The following ANKHD1 variants were observed in gnomAD, a reference collection of about 807,000 sequenced individuals.
The protein encoded by ANKHD1 is ankyrin repeat and KH domain-containing protein 1.
In ANKHD1, 31 loss-of-function variants were observed where a neutral mutation model predicts 230.5. The ratio of observed to expected loss-of-function variants is 0.13; its 90% CI spans 0.10 to 0.18. The LOEUF is 0.18. Among genes scored for constraint, ANKHD1 ranks in the 10% least tolerant of loss-of-function variants. The probability of loss-of-function intolerance (pLI) is 1.00; values close to 1 mark genes in which losing one functional copy is unlikely to be tolerated. For synonymous variants in ANKHD1, 1,074 were observed against 1,117.6 expected (o/e 0.96, Z 0.78); for missense variants, 2,256 against 3,071.3 (o/e 0.73, Z 6.27).
At chr5:140,433,623 C>T (rs1336328728) in intron 1 of ANKHD1, among the ~76,000 whole-genome samples, 1 of 152,036 alleles carries the variant, frequency 6.6e-6, no homozygotes, top group African/African-American at 2.4e-5. Flanking sequence ...CTTATTTCTT[C>T]TACCACATTT....
chr5:140,485,339 T>C lies in ANKHD1; in HGVS notation c.1998+91T>C. The C allele has an allele frequency of 1.4e-6, 2 of 1,475,792 alleles. No homozygotes were observed. The highest frequency in any genetic ancestry group is 1.8e-6 in the Non-Finnish European group (2 of 1,111,596). 91.4% of individuals were successfully genotyped at this position (1,475,792 alleles called of 1,614,324 possible). On this transcript the variant is annotated intron_variant, in intron 12 of 33. Transcript: ENST00000360839. The surrounding 1 kb of genome is among the most constrained non-coding windows in gnomAD (Gnocchi z 4.8). ...TAGAAAGCTGAGGCGGGTGGATCAC[T>C]TGAGCCCAGGAGTTTGAGACTAGTC... is the stretch of plus-strand genomic sequence containing the variant.
At chr5:140,504,343 C>T (rs962276915) in intron 15 of ANKHD1, among the ~76,000 whole-genome samples, 11 of 152,346 alleles carry the variant, frequency 7.2e-5, no homozygotes, top group Admixed American at 5.2e-4. Flanking sequence ...TGGGCCACTG[C>T]GCCCAGCCCC....
chr5:140,478,510 A>C (rs1751090078), intron 10 of ANKHD1, among the ~76,000 whole-genome samples: 1 of 152,156 alleles, frequency 6.6e-6, no homozygotes, highest in Admixed American at 6.5e-5. Context: ...AGAAATATAT[A>C]AATTATCAAA....
At chr5:140,420,048 T>A (rs1771847904) in intron 1 of ANKHD1, among the ~76,000 whole-genome samples, 1 of 139,158 alleles carries the variant, frequency 7.2e-6, no homozygotes, top group Non-Finnish European at 1.5e-5. Flanking sequence ...CAGGCTGGAA[T>A]GTAGTTGCTC....
At chr5:140,454,250 A>C (rs1774983321) in intron 7 of ANKHD1, among the ~76,000 whole-genome samples, 1 of 152,176 alleles carries the variant, frequency 6.6e-6, no homozygotes, top group South Asian at 2.1e-4. Flanking sequence ...AGACTCCCAC[A>C]CAATAATAAT....
chr5:140,436,063 A>AT, intron 1 of ANKHD1, 41 bp from the exon 2 acceptor site: 1 of 1,453,544 alleles, frequency 6.9e-7, no homozygotes, highest in Non-Finnish European at 9.1e-7. Flanking sequence ...AATCATATTG[A>AT]TATCAGTTTC....
intron 30 of ANKHD1, 147 bp from the exon 31 acceptor site, chr5:140,537,242 A>T (rs1754126573): frequency 1.5e-6 from 2 of 1,360,222 alleles, no homozygotes; most frequent in Admixed American, 6.2e-5. Flanking sequence ...TTCTTTACAG[A>T]ACTTATGTTG....
intron 10 of ANKHD1, among the ~76,000 whole-genome samples, chr5:140,476,933 A>T (rs1751001515): frequency 6.6e-6 from 1 of 152,174 alleles, no homozygotes; most frequent in Non-Finnish European, 1.5e-5. Context: ...GTTGTTCAGG[A>T]GGAGAAGGTA....
intron 15 of ANKHD1, among the ~76,000 whole-genome samples, chr5:140,502,208 C>T (rs556819336): frequency 6.6e-6 from 1 of 152,174 alleles, no homozygotes; most frequent in East Asian, 1.9e-4. Flanking sequence ...TTGATACAAC[C>T]TTTATTCCAC....
intron 24 of ANKHD1, among the ~76,000 whole-genome samples, chr5:140,518,598 G>C (rs1030079294): frequency 6.6e-6 from 1 of 152,016 alleles, no homozygotes; most frequent in African/African-American, 2.4e-5. Context: ...CCATGATCAA[G>C]TGGGCTTCAT....
intron 1 of ANKHD1, among the ~76,000 whole-genome samples, chr5:140,428,377 C>T (rs1772721652): frequency 6.6e-6 from 1 of 152,262 alleles, no homozygotes; most frequent in African/African-American, 2.4e-5. Flanking sequence ...ACTCCGTCTG[C>T]AATCCCGGCA....
intron 10 of ANKHD1, among the ~76,000 whole-genome samples, chr5:140,474,130 G>A (rs1316499665): frequency 6.6e-6 from 1 of 152,132 alleles, no homozygotes; most frequent in East Asian, 1.9e-4. Context: ...TCTGTTACTT[G>A]TGATTTTTAG....
At chr5:140,465,436 TTCATG>T (rs754794482) in intron 10 of ANKHD1, among the ~76,000 whole-genome samples, 1 of 152,228 alleles carries the variant, frequency 6.6e-6, no homozygotes, top group Non-Finnish European at 1.5e-5. Flanking sequence ...CATTTAAATG[TTCATG>T]CCTCTTGCTG....
intron 1 of ANKHD1, among the ~76,000 whole-genome samples, chr5:140,418,129 A>G (rs1363200612): frequency 6.8e-6 from 1 of 147,468 alleles, no homozygotes; most frequent in Non-Finnish European, 1.5e-5. Context: ...GGCGTGAGCC[A>G]CCGGGTCCAG....
chr5:140,479,885 G>A, intron 10 of ANKHD1, among the ~76,000 whole-genome samples: 1 of 150,468 alleles, frequency 6.6e-6, no homozygotes, highest in Admixed American at 6.6e-5. Flanking sequence ...TATAATGTAT[G>A]TATATAATGG....
intron 7 of ANKHD1, among the ~76,000 whole-genome samples, 177 bp downstream of exon 7, chr5:140,449,482 G>C (rs557911880): frequency 1.3e-5 from 2 of 152,228 alleles, no homozygotes; most frequent in Admixed American, 1.3e-4. Flanking sequence ...GGCCAGTATG[G>C]TGAAACCCTG....
At position 140,507,066 on chromosome 5, in the gene ANKHD1, T is replaced by G; in HGVS notation, c.3551+89T>G. 1 of 1,531,172 alleles carries G rather than the reference T, an allele frequency of 6.5e-7. No individual in the cohort carries two copies. The highest frequency in any genetic ancestry group is 8.7e-7 in the Non-Finnish European group (1 of 1,146,344). The allele number at this position is 1,531,172 out of a possible 1,614,324, so 94.8% of individuals were successfully genotyped here. ...CTCTTAACGTTTAGACAGATACATTTTAAATTAAGATAGTACTAAAGTTGC... is the reference window on the plus strand; with the variant it reads ...CTCTTAACGTTTAGACAGATACATTGTAAATTAAGATAGTACTAAAGTTGC... On this transcript the variant is annotated intron_variant, in intron 19 of 33. Transcript: ENST00000360839. This position sits in a 1 kb window ranked among gnomAD's most constrained non-coding sequence, Gnocchi z 4.1.
At chr5:140,441,972 G>A (rs967671045) in intron 5 of ANKHD1, among the ~76,000 whole-genome samples, 1 of 149,692 alleles carries the variant, frequency 6.7e-6, no homozygotes, top group South Asian at 2.1e-4. Flanking sequence ...ATAAACCTGA[G>A]TGTTTACCCT....
At chr5:140,402,855 T>C (rs1481275989) in intron 1 of ANKHD1, among the ~76,000 whole-genome samples, 1 of 151,986 alleles carries the variant, frequency 6.6e-6, no homozygotes, top group Non-Finnish European at 1.5e-5. Flanking sequence ...TTTGTGAAGT[T>C]AGACAGGAAA....
Sources: gnomAD v4.1 joint callset for allele counts (sites outside exome capture counted in the v4.1 genomes callset) on GRCh38, gnomAD v4.1.1 for gene constraint, Gnocchi (gnomAD v3.1) non-coding constraint, MANE v1.5 for transcripts, NCBI Gene and HGNC (gene_info 2026-07-23, HGNC 2026-07-21) for gene names.